The following HEMK2 variants were observed in gnomAD, a reference collection of about 807,000 sequenced individuals.
HEMK2 encodes the protein HemK methyltransferase 2, ETF1 glutamine and histone H4 lysine, also known as methyltransferase HEMK2.
the HEMK2 span, among the ~76,000 whole-genome samples, chr21:28,584,370 C>A: frequency 6.6e-6 from 1 of 152,070 alleles, no homozygotes; most frequent in South Asian, 2.1e-4. Context: ...CTTACTAGTA[C>A]ATTGAGGACA....
the HEMK2 span, among the ~76,000 whole-genome samples, chr21:28,740,145 T>C: frequency 6.6e-6 from 1 of 152,246 alleles, no homozygotes; most frequent in African/African-American, 2.4e-5. Context: ...GTAAATTCAC[T>C]TTTCTGATCC....
the HEMK2 span, among the ~76,000 whole-genome samples, chr21:28,594,219 C>T: frequency 3.3e-5 from 5 of 152,130 alleles, no homozygotes. Context: ...AGAAACTATC[C>T]TAGCCAAGAG....
chr21:28,730,383 GACACAC>G, the HEMK2 span, among the ~76,000 whole-genome samples: 639 of 115,888 alleles, frequency 5.5e-3, 14 homozygotes, highest in Middle Eastern at 7.9e-3. Flanking sequence ...AACACACACA[GACACAC>G]ACACACACAC....
the HEMK2 span, among the ~76,000 whole-genome samples, chr21:28,687,657 CAT>C: frequency 6.6e-6 from 1 of 152,066 alleles, no homozygotes; most frequent in African/African-American, 2.4e-5. Flanking sequence ...ATACTATAAA[CAT>C]GTGATTGAGA....
chr21:28,775,910 T>C, the HEMK2 span, among the ~76,000 whole-genome samples: 15 of 151,456 alleles, frequency 9.9e-5, no homozygotes, highest in East Asian at 2.9e-3. Context: ...AAGATGGGCG[T>C]GACTGTTAAA....
chr21:28,880,928 T>TAAAAAAAA, the HEMK2 span, among the ~76,000 whole-genome samples: 19 of 104,430 alleles, frequency 1.8e-4, no homozygotes, highest in African/African-American at 8.4e-4. Flanking sequence ...ATCATTTATT[T>TAAAAAAAA]AAAAAAAAAA....
At chr21:28,744,331 C>T in the HEMK2 span, among the ~76,000 whole-genome samples, 11 of 151,314 alleles carry the variant, frequency 7.3e-5, 1 homozygote, top group South Asian at 1.7e-3. Context: ...AAAAACTGTC[C>T]CCAGAAGTGT....
chr21:28,867,755 G>A, the HEMK2 span, among the ~76,000 whole-genome samples: 12 of 152,182 alleles, frequency 7.9e-5, no homozygotes, highest in African/African-American at 2.2e-4. Flanking sequence ...ATTACATCAC[G>A]TCCAGCCTCA....
the HEMK2 span, among the ~76,000 whole-genome samples, chr21:28,734,033 G>A: frequency 2.4e-5 from 2 of 83,652 alleles, no homozygotes; most frequent in Admixed American, 2.3e-4. Context: ...TATTAACATC[G>A]GATGCCATTG....
chr21:28,624,362 C>T, the HEMK2 span, among the ~76,000 whole-genome samples: 2 of 152,316 alleles, frequency 1.3e-5, no homozygotes, highest in East Asian at 1.9e-4. Flanking sequence ...GGTAATTAGA[C>T]ACAGTTCTAA....
chr21:28,873,527 C>T, the HEMK2 span: 1 of 152,222 alleles, frequency 6.6e-6, no homozygotes, highest in South Asian at 2.1e-4. Context: ...GGTGGTGACC[C>T]AAACCTTCAT....
At chr21:28,640,261 A>G in the HEMK2 span, among the ~76,000 whole-genome samples, 3 of 152,180 alleles carry the variant, frequency 2.0e-5, no homozygotes, top group Admixed American at 6.5e-5. Flanking sequence ...CCAACCTCCC[A>G]TGATGACCAG....
At chr21:28,853,221 T>C in the HEMK2 span, among the ~76,000 whole-genome samples, 1 of 152,222 alleles carries the variant, frequency 6.6e-6, no homozygotes, top group Non-Finnish European at 1.5e-5. Flanking sequence ...GATCCCTTTC[T>C]TTACATTAAA....
At chr21:28,731,662 C>T in the HEMK2 span, among the ~76,000 whole-genome samples, 2 of 151,156 alleles carry the variant, frequency 1.3e-5, no homozygotes, top group Admixed American at 6.6e-5. Context: ...TGCTAAATGA[C>T]AAGTTAATGG....
the HEMK2 span, among the ~76,000 whole-genome samples, chr21:28,865,212 C>G: frequency 1.3e-5 from 2 of 152,204 alleles, no homozygotes; most frequent in Admixed American, 6.5e-5. Context: ...CTTGCCCAGG[C>G]TGGAGTGCAG....
At chr21:28,882,998 G>A in the HEMK2 span, 2 of 1,600,480 alleles carry the variant, frequency 1.2e-6, no homozygotes, top group Non-Finnish European at 1.7e-6. Flanking sequence ...TACAAAGCCT[G>A]AGGGCCTATC....
At chr21:28,770,072 C>T in the HEMK2 span, among the ~76,000 whole-genome samples, 12,816 of 152,184 alleles carry the variant, frequency 0.084, 1,233 homozygotes, top group African/African-American at 0.23. Flanking sequence ...GCAGAATGCA[C>T]CATCAATAAA....
chr21:28,623,866 T>C, the HEMK2 span, among the ~76,000 whole-genome samples: 4 of 152,048 alleles, frequency 2.6e-5, no homozygotes, highest in Non-Finnish European at 1.5e-5. Context: ...GATAGCATTA[T>C]GAGAAATACC....
the HEMK2 span, among the ~76,000 whole-genome samples, chr21:28,644,086 A>G: frequency 6.6e-6 from 1 of 152,174 alleles, no homozygotes; most frequent in Non-Finnish European, 1.5e-5. Flanking sequence ...ACATTACTAT[A>G]AGGAAATACC....
Sources: gnomAD v4.1 joint callset for allele counts (sites outside exome capture counted in the v4.1 genomes callset) on GRCh38, gnomAD v4.1.1 for gene constraint, MANE v1.5 for transcripts, NCBI Gene and HGNC (gene_info 2026-07-23, HGNC 2026-07-21) for gene names.